The following GPR137B variants were observed in gnomAD, a reference collection of about 807,000 sequenced individuals.
The protein encoded by GPR137B is G protein-coupled receptor 137B.
GPR137B carries 42 observed loss-of-function variants against 42.5 expected under a neutral mutation model. The observed-to-expected ratio is 0.99, with a 90% CI of 0.77 to 1.28. GPR137B has a LOEUF of 1.28. GPR137B is among the 50% of genes most tolerant of loss of function. GPR137B has a pLI of 0.00. For missense variants in GPR137B, 487 were observed against 493.9 expected (o/e 0.99, Z 0.13); for synonymous variants, 218 against 209.7 (o/e 1.04, Z -0.34).
rs1036600951 is a variant in GPR137B at position 236,166,506 on chromosome 1, A to T, written c.415-2200A>T. Among the ~76,000 whole-genome samples the T allele has an allele frequency of 8.5e-5, 12 of 141,960 alleles. No individual in the cohort carries two copies. The East Asian group carries it at 2.0e-3, about 23-fold the overall frequency. 93.1% of individuals were successfully genotyped at this position (141,960 alleles called of 152,430 possible). A position where few individuals can be genotyped will look rare whatever the true frequency, so the allele number is the denominator to read the frequency against. Reference sequence around the variant, plus strand: ...TATTTATATATACATATATATATTTATATATATACATTATATATATTTATA... The same window carrying T: ...TATTTATATATACATATATATATTTTTATATATACATTATATATATTTATA... On this transcript the variant is annotated intron_variant, in intron 1 of 6. Coordinates refer to ENST00000366592, the MANE Select transcript of GPR137B (RefSeq NM_003272.4).
At chr1:236,143,222 C>T (rs1288179987) in intron 1 of GPR137B, among the ~76,000 whole-genome samples, 186 bp downstream of exon 1, 2 of 152,224 alleles carry the variant, frequency 1.3e-5, no homozygotes, top group Non-Finnish European at 2.9e-5. Context: ...ATAGGAAACC[C>T]CCTGCCATTC....
chr1:236,149,255 C>G (rs76865557), intron 1 of GPR137B, among the ~76,000 whole-genome samples: 1 of 151,792 alleles, frequency 6.6e-6, no homozygotes, highest in Non-Finnish European at 1.5e-5. Context: ...CAAGCCTAAT[C>G]GCAGTGCCTG....
chr1:236,148,499 G>C (rs1026387532), intron 1 of GPR137B, among the ~76,000 whole-genome samples: 1 of 152,270 alleles, frequency 6.6e-6, no homozygotes, highest in Non-Finnish European at 1.5e-5. Flanking sequence ...GTTTGCGGAA[G>C]GAAATGGAGA....
At chr1:236,166,527 T>TG (rs1558483829) in intron 1 of GPR137B, among the ~76,000 whole-genome samples, 1 of 136,492 alleles carries the variant, frequency 7.3e-6, no homozygotes, top group African/African-American at 2.9e-5. Context: ...TTATATATAT[T>TG]TATATATATA....
At position 236,208,426 on chromosome 1, in the gene GPR137B, C is replaced by T; in HGVS notation, c.*268C>T. 1.0e-6 allele frequency: 1 copy of T among 989,916 alleles called. No individual in the cohort carries two copies. Among genetic ancestry groups the T allele is most frequent in the South Asian group, 4.2e-5 (1 of 23,724 alleles). The allele number at this position is 989,916 out of a possible 1,614,324, so 61.3% of individuals were successfully genotyped here. Reference sequence around the variant, plus strand: ...TTTTATAAAGATGTATTTTGTATAACTTAAATAATAATGCTAAAGTATACT... The same window carrying T: ...TTTTATAAAGATGTATTTTGTATAATTTAAATAATAATGCTAAAGTATACT... On this transcript the variant is annotated 3_prime_UTR_variant, in exon 7 of 7. Transcript: ENST00000366592.
intron 5 of GPR137B, among the ~76,000 whole-genome samples, chr1:236,188,332 G>T (rs916923447): frequency 6.6e-6 from 1 of 152,026 alleles, no homozygotes; most frequent in Non-Finnish European, 1.5e-5. Context: ...TTGGCTGATT[G>T]CCCTGGCCAG....
chr1:236,144,152 A>T (rs1461806670), intron 1 of GPR137B, among the ~76,000 whole-genome samples: 1 of 151,656 alleles, frequency 6.6e-6, no homozygotes, highest in Non-Finnish European at 1.5e-5. Context: ...GCGGTGGCGC[A>T]TGCCTGTCAT....
Position 236,144,586 on chromosome 1 carries a change from AAG to A in GPR137B, c.414+1551_414+1552del, listed in dbSNP as rs1661631151. 4.6e-5 allele frequency among the ~76,000 whole-genome samples: 7 copies of A among 152,392 alleles called. No homozygotes were observed. The East Asian group carries it at 7.7e-4, about 17-fold the overall frequency. On this transcript the variant is annotated intron_variant, in intron 1 of 6. Transcript: ENST00000366592. Reference sequence around the variant, plus strand: ...ATGGGTCTACACTCAGACTTCTTGTAAGTCCAGCGCATCAGCATATTTTCCGG... The same window carrying A: ...ATGGGTCTACACTCAGACTTCTTGTATCCAGCGCATCAGCATATTTTCCGG...
At chr1:236,202,698 T>C (rs772150995) in intron 5 of GPR137B, among the ~76,000 whole-genome samples, 3 of 152,232 alleles carry the variant, frequency 2.0e-5, no homozygotes, top group Non-Finnish European at 4.4e-5. Context: ...CTTTCACTTC[T>C]TCAGGAAACA....
At chr1:236,146,872 GA>G (rs1661696255) in intron 1 of GPR137B, among the ~76,000 whole-genome samples, 1 of 152,152 alleles carries the variant, frequency 6.6e-6, no homozygotes, top group Non-Finnish European at 1.5e-5. Context: ...GCAGTAGTGT[GA>G]TCTTGGCTCA....
At position 236,207,645 on chromosome 1, in the gene GPR137B, T is replaced by C. The variant is rs904967172; in HGVS notation, c.1092-405T>C. 6.6e-5 allele frequency among the ~76,000 whole-genome samples: 10 copies of C among 152,238 alleles called. No homozygotes were observed. In the South Asian group the frequency reaches 1.5e-3, roughly 22 times the overall value. On this transcript the variant is annotated intron_variant, in intron 6 of 6. Transcript: ENST00000366592. ...ACAGATGTTAACTCAGTCCCCACAA[T>C]AGGCCCACGACGTAGTTACTAATAT...
At chr1:236,204,476 GTTC>G (rs1241344367) in intron 5 of GPR137B, among the ~76,000 whole-genome samples, 1 of 152,156 alleles carries the variant, frequency 6.6e-6, no homozygotes. Flanking sequence ...ACTGACATTA[GTTC>G]TTCTTTAAAT....
At chr1:236,146,862 G>A (rs1281887067) in intron 1 of GPR137B, among the ~76,000 whole-genome samples, 2 of 152,146 alleles carry the variant, frequency 1.3e-5, no homozygotes, top group African/African-American at 2.4e-5. Context: ...CACCCAGGCC[G>A]CAGTAGTGTG....
intron 5 of GPR137B, among the ~76,000 whole-genome samples, chr1:236,187,545 A>T (rs1663068834): frequency 6.6e-6 from 1 of 152,206 alleles, no homozygotes; most frequent in Non-Finnish European, 1.5e-5. Context: ...AGTTTTCTGC[A>T]TATGGCTACC....
chr1:236,169,118 G>A (rs1217199166), intron 2 of GPR137B, among the ~76,000 whole-genome samples: 3 of 152,242 alleles, frequency 2.0e-5, no homozygotes, highest in Non-Finnish European at 4.4e-5. Context: ...CCTTGAAGAT[G>A]CAGTGCTTTG....
intron 5 of GPR137B, among the ~76,000 whole-genome samples, chr1:236,200,237 T>TTAAATTGATTTAGACTCATTTCATA (rs1663454510): frequency 6.6e-6 from 1 of 152,048 alleles, no homozygotes; most frequent in African/African-American, 2.4e-5. Context: ...CTCAATTTTC[T>TTAAATTGATTTAGACTCATTTCATA]TAAATTGATT....
intron 5 of GPR137B, among the ~76,000 whole-genome samples, chr1:236,199,569 C>G (rs1355367018): frequency 6.6e-6 from 1 of 151,944 alleles, no homozygotes; most frequent in Non-Finnish European, 1.5e-5. Context: ...TTCGATCTCG[C>G]TAGTTGTTAT....
At chr1:236,157,060 T>C (rs562215319) in intron 1 of GPR137B, among the ~76,000 whole-genome samples, 1 of 152,232 alleles carries the variant, frequency 6.6e-6, no homozygotes, top group South Asian at 2.1e-4. Context: ...ACATGTCTAT[T>C]AATTCACCAA....
intron 5 of GPR137B, among the ~76,000 whole-genome samples, chr1:236,186,758 T>A (rs1267562451): frequency 6.6e-6 from 1 of 152,176 alleles, no homozygotes; most frequent in Non-Finnish European, 1.5e-5. Flanking sequence ...TTGGGTTGGT[T>A]CCAAGTCTTT....
Sources: allele counts gnomAD v4.1 joint callset (sites outside exome capture counted in the v4.1 genomes callset), GRCh38; gene constraint gnomAD v4.1.1; transcripts MANE v1.5; gene names NCBI Gene and HGNC (gene_info 2026-07-23, HGNC 2026-07-21).